SPDYE5: variants seen among roughly 807,000 people sequenced by gnomAD.
SPDYE5 encodes the protein speedy protein E5.
In SPDYE5, 15 loss-of-function variants were observed where a neutral mutation model predicts 48.5. The ratio of observed to expected loss-of-function variants is 0.31; its 90% CI spans 0.21 to 0.48. The LOEUF (loss-of-function observed/expected upper bound fraction) is 0.48, where lower values mean the gene tolerates loss of function less well. Ranked by LOEUF, SPDYE5 falls within the 20% of genes least tolerant of loss-of-function variation. The pLI, the probability that SPDYE5 is intolerant of heterozygous loss-of-function variation, is 0.99. For missense variants in SPDYE5, 331 were observed against 549.1 expected (o/e 0.60, Z 3.97); for synonymous variants, 116 against 200.7 (o/e 0.58, Z 3.57).
rs201005671 is a variant in SPDYE5, at chr7:75,494,034, A to T, written c.-14A>T. On this transcript the variant is annotated 5_prime_UTR_variant, in exon 2 of 9. Coordinates refer to ENST00000625065, the MANE Select transcript of SPDYE5 (RefSeq NM_001306141.4). ...CATACTCTTCTGGATCCTAGCAGTG[A>T]TCAGAAGAAGGCCATGGACAGAACG... 1,192,041 of 1,292,776 alleles carry T rather than the reference A, an allele frequency of 0.92. 570,174 individuals carry two copies. Among genetic ancestry groups the T allele is most frequent in the East Asian group, 0.97 (38,314 of 39,440 alleles). The allele number at this position is 1,292,776 out of a possible 1,614,324, so 80.1% of individuals were successfully genotyped here. A position where few individuals can be genotyped will look rare whatever the true frequency, so the allele number is the denominator to read the frequency against.
intron 8 of SPDYE5, among the ~76,000 whole-genome samples, chr7:75,502,473 C>T (rs587627836): frequency 6.6e-6 from 1 of 152,138 alleles, no homozygotes; most frequent in African/African-American, 2.4e-5. Flanking sequence ...ATTAGAAACA[C>T]ATCTAGCATG....
Position 75,495,334 on chromosome 7 carries a change from C to G in SPDYE5, c.339C>G (p.Pro113=). Residue 113 remains proline (P), a synonymous_variant, in exon 3 of 9, where the codon CCC becomes CCG. Transcript: ENST00000625065. ...KMKLKQQRVS[P]ILPEHHKGFN... is the part of the protein sequence containing the mutation. Reference sequence around the variant, plus strand: ...AGCTGAAGCAACAGCGAGTGTCACCCATCCTCCCTGAGCACCACAAGGGCT... The same window carrying G: ...AGCTGAAGCAACAGCGAGTGTCACCGATCCTCCCTGAGCACCACAAGGGCT... The G allele has an allele frequency of 6.3e-7, 1 of 1,597,528 alleles. No individual in the cohort carries two copies. The highest frequency in any genetic ancestry group is 8.5e-7 in the Non-Finnish European group (1 of 1,179,872).
At chr7:75,497,183 G>A (rs1161298468) in intron 4 of SPDYE5, among the ~76,000 whole-genome samples, 3 of 151,978 alleles carry the variant, frequency 2.0e-5, no homozygotes, top group Non-Finnish European at 4.4e-5. Flanking sequence ...GAGGCAAGAG[G>A]ATTGCTTGAA....
At chr7:75,496,431 C>T (rs1792935988) in intron 3 of SPDYE5, among the ~76,000 whole-genome samples, 1 of 117,736 alleles carries the variant, frequency 8.5e-6, no homozygotes, top group African/African-American at 3.1e-5. Context: ...AAAAGGGACT[C>T]AGAGAGCCAG....
rs1793235128 is a variant in SPDYE5 at position 75,503,860 on chromosome 7, A to T, written c.*1073A>T. 6.6e-6 allele frequency: 1 copy of T among 151,418 alleles called. No homozygotes were observed. Among genetic ancestry groups the T allele is most frequent in the African/African-American group, 2.4e-5 (1 of 41,356 alleles). The allele number at this position is 151,418 out of a possible 1,614,324, so 9.4% of individuals were successfully genotyped here. A position where few individuals can be genotyped will look rare whatever the true frequency, so the allele number is the denominator to read the frequency against. On this transcript the variant is annotated 3_prime_UTR_variant, in exon 9 of 9. Transcript: ENST00000625065. ...TTTTAAATATTTTTGAAATACTGCT[A>T]TTTTTGAATAGATGCTGTTTCTATA...
At chr7:75,498,437 T>C (rs1793020408) in intron 5 of SPDYE5, among the ~76,000 whole-genome samples, 1 of 151,838 alleles carries the variant, frequency 6.6e-6, no homozygotes, top group Admixed American at 6.6e-5. Flanking sequence ...TCCCATGGTC[T>C]TGAGTCTTGG....
rs369077128 is a variant in SPDYE5 at position 75,503,713 on chromosome 7, A to T, written c.*926A>T. ...AGATATATATACTAACACGTCTAAT[A>T]TATACTATCTATTTTATTGGTTTAT... On this transcript the variant is annotated 3_prime_UTR_variant, in exon 9 of 9. Transcript: ENST00000625065. 1.3e-5 allele frequency: 2 copies of T among 149,894 alleles called. No homozygotes were observed. The highest frequency in any genetic ancestry group is 3.0e-5 in the Non-Finnish European group (2 of 67,484). 9.3% of individuals were successfully genotyped at this position (149,894 alleles called of 1,614,324 possible).
intron 5 of SPDYE5, among the ~76,000 whole-genome samples, chr7:75,498,243 G>A (rs1313072729): frequency 1.3e-5 from 2 of 148,378 alleles, no homozygotes; most frequent in African/African-American, 2.5e-5. Context: ...TTCTGCCTCA[G>A]CCTCCAAGCA....
intron 6 of SPDYE5, among the ~76,000 whole-genome samples, chr7:75,499,592 C>A (rs1793065934): frequency 6.6e-6 from 1 of 151,982 alleles, no homozygotes; most frequent in Non-Finnish European, 1.5e-5. Context: ...CATGGCCAAA[C>A]CCCGTCTCTA....
intron 1 of SPDYE5, among the ~76,000 whole-genome samples, chr7:75,492,867 C>T (rs1173910794): frequency 6.6e-6 from 1 of 152,188 alleles, no homozygotes; most frequent in East Asian, 1.9e-4. Flanking sequence ...AAGATCATGG[C>T]TCACTGCAGC....
chr7:75,494,510 G>A (rs1361414311), intron 2 of SPDYE5, among the ~76,000 whole-genome samples: 1 of 88,220 alleles, frequency 1.1e-5, no homozygotes, highest in African/African-American at 4.7e-5. Flanking sequence ...TCACGCTACT[G>A]CACTCCAAAA....
chr7:75,500,608 A>C (rs1554483265), intron 6 of SPDYE5, among the ~76,000 whole-genome samples: 1 of 150,708 alleles, frequency 6.6e-6, no homozygotes, highest in Non-Finnish European at 1.5e-5. Context: ...ATCATAGCTC[A>C]TCGCAGCCTC....
chr7:75,495,570 C>T (rs1584736836), intron 3 of SPDYE5, among the ~76,000 whole-genome samples, 196 bp downstream of exon 3: 2 of 152,318 alleles, frequency 1.3e-5, no homozygotes, highest in African/African-American at 4.8e-5. Flanking sequence ...TAAAGGTTGG[C>T]GCTTGGGATG....
upstream of SPDYE5, among the ~76,000 whole-genome samples, chr7:75,491,816 G>A (rs868929386): frequency 5.5e-3 from 796 of 145,314 alleles, 6 homozygotes; most frequent in Middle Eastern, 0.026. Context: ...AGGTTCAAGC[G>A]ATTCTCCTGC....
At position 75,494,224 on chromosome 7, in the gene SPDYE5, A is replaced by T. The variant is rs1792840056; in HGVS notation, c.160+17A>T. ...GACCATCAGGTGAGGGGACTGGTGG[A>T]AGAAGAGGTGGGATAGGATTGACTA... On this transcript the variant is annotated intron_variant, in intron 2 of 8. Coordinates refer to ENST00000625065, the MANE Select transcript of SPDYE5 (RefSeq NM_001306141.4). 1.3e-6 allele frequency: 2 copies of T among 1,534,248 alleles called. No homozygotes were observed. The highest frequency in any genetic ancestry group is 1.7e-6 in the Non-Finnish European group (2 of 1,146,316).
chr7:75,502,431 G>C (rs1793192246), intron 8 of SPDYE5, among the ~76,000 whole-genome samples: 1 of 152,076 alleles, frequency 6.6e-6, no homozygotes, highest in African/African-American at 2.4e-5. Flanking sequence ...TAAGGATTAG[G>C]CTTCTGGACT....
In SPDYE5 at chr7:75,501,473, C is replaced by G; in HGVS notation, c.867C>G (p.Phe289Leu). The part of the protein sequence containing the change: ...SRIPLLRKRW[F>L]QLGRSMNPRA... ...TACCCTTGCTCCGTAAGCGTTGGTT[C>G]CAGTTAGGCCGTTCCATGAACCCGA... Residue 289 changes from phenylalanine to leucine, a missense_variant, in exon 7 of 9, where the codon TTC becomes TTG. Physicochemically the swap from Phe to Leu is conservative, Grantham distance 22. Coordinates refer to ENST00000625065, the MANE Select transcript of SPDYE5 (RefSeq NM_001306141.4). 2 of 1,607,618 alleles carry G rather than the reference C, an allele frequency of 1.2e-6. No individual in the cohort carries two copies. Among genetic ancestry groups the G allele is most frequent in the East Asian group, 2.2e-5 (1 of 44,760 alleles).
rs1338885766 is a variant in SPDYE5 at position 75,503,814 on chromosome 7, A to ATAT, written c.*1033_*1035dup. The ATAT allele has an allele frequency of 6.7e-6, 1 of 150,060 alleles. No individual in the cohort carries two copies. Among genetic ancestry groups the ATAT allele is most frequent in the Non-Finnish European group, 1.5e-5 (1 of 67,570 alleles). The allele number at this position is 150,060 out of a possible 1,614,324, so 9.3% of individuals were successfully genotyped here. A position where few individuals can be genotyped will look rare whatever the true frequency, so the allele number is the denominator to read the frequency against. ...ATATTTATTAAATATATTTATTTAA[A>ATAT]TATTATTACTTGAAATATTATTTTA... is the stretch of plus-strand genomic sequence containing the variant. On this transcript the variant is annotated 3_prime_UTR_variant, in exon 9 of 9. Coordinates refer to ENST00000625065, the MANE Select transcript of SPDYE5 (RefSeq NM_001306141.4).
At chr7:75,499,766 CAA>C (rs1207603153) in intron 6 of SPDYE5, among the ~76,000 whole-genome samples, 4 of 17,882 alleles carry the variant, frequency 2.2e-4, no homozygotes, top group South Asian at 3.0e-3. Context: ...GACTTTTTCT[CAA>C]AAAAAAAAAA....
Sources: gnomAD v4.1 joint callset for allele counts (sites outside exome capture counted in the v4.1 genomes callset) on GRCh38, gnomAD v4.1.1 for gene constraint, MANE v1.5 for transcripts, NCBI Gene and HGNC (gene_info 2026-07-23, HGNC 2026-07-21) for gene names.